IMMP2L: variants seen among roughly 807,000 people sequenced by gnomAD.
IMMP2L encodes mitochondrial inner membrane protease subunit 2.
In IMMP2L, 18 loss-of-function variants were observed where a neutral mutation model predicts 19.3. That is an observed-to-expected ratio of 0.93 (90% CI 0.64 to 1.38). IMMP2L has a LOEUF of 1.38. Ranked by LOEUF, IMMP2L falls within the 40% of genes most tolerant of loss-of-function variation. The pLI is 0.00. For synonymous variants in IMMP2L, 76 were observed against 73.0 expected (o/e 1.04, Z -0.21); for missense variants, 233 against 218.2 (o/e 1.07, Z -0.43).
chr7:111,086,816 T>C (rs1563227223), intron 3 of IMMP2L, among the ~76,000 whole-genome samples: 1 of 152,242 alleles, frequency 6.6e-6, no homozygotes, highest in Admixed American at 6.5e-5. Flanking sequence ...TCTCAAATCA[T>C]GACAGCAATA....
chr7:111,310,054 G>A (rs1394823450), intron 3 of IMMP2L, among the ~76,000 whole-genome samples: 1 of 151,928 alleles, frequency 6.6e-6, no homozygotes, highest in East Asian at 1.9e-4. Context: ...GGCCAACATG[G>A]GGAAATCCCA....
chr7:111,352,192 G>C (rs145026988), intron 3 of IMMP2L, among the ~76,000 whole-genome samples: 1 of 152,038 alleles, frequency 6.6e-6, no homozygotes, highest in African/African-American at 2.4e-5. Flanking sequence ...GAATGGTAAT[G>C]CTTGACAGGA....
chr7:110,980,867 G>A (rs908271820), intron 3 of IMMP2L, among the ~76,000 whole-genome samples: 5 of 152,134 alleles, frequency 3.3e-5, no homozygotes, highest in African/African-American at 1.2e-4. Context: ...CAGCTTCACT[G>A]ATGTTGCTAT....
At chr7:110,730,758 C>A (rs986007775) in intron 5 of IMMP2L, among the ~76,000 whole-genome samples, 10 of 152,270 alleles carry the variant, frequency 6.6e-5, no homozygotes, top group African/African-American at 2.2e-4. Context: ...ATCTCCTGAC[C>A]TCGTGATCCA....
At chr7:110,854,770 G>T (rs1189213101) in intron 5 of IMMP2L, among the ~76,000 whole-genome samples, 1 of 151,838 alleles carries the variant, frequency 6.6e-6, no homozygotes, top group East Asian at 1.9e-4. Flanking sequence ...AAAATAGTTT[G>T]CTTGAGTCTC....
At chr7:110,998,268 A>T (rs991960298) in intron 3 of IMMP2L, among the ~76,000 whole-genome samples, 1 of 152,150 alleles carries the variant, frequency 6.6e-6, no homozygotes, top group Non-Finnish European at 1.5e-5. Flanking sequence ...TAGGGTTATG[A>T]CAGGGTAATC....
chr7:111,118,519 T>C (rs539193136), intron 3 of IMMP2L, among the ~76,000 whole-genome samples: 1 of 152,222 alleles, frequency 6.6e-6, no homozygotes, highest in South Asian at 2.1e-4. Flanking sequence ...ACCATTTATT[T>C]GTTGTGTGGT....
chr7:110,741,162 T>C (rs981907011), intron 5 of IMMP2L, among the ~76,000 whole-genome samples: 2 of 152,160 alleles, frequency 1.3e-5, no homozygotes, highest in Admixed American at 6.5e-5. Context: ...TTAATAAGGA[T>C]TGAAATAATG....
At chr7:110,855,636 T>G (rs561811267) in intron 5 of IMMP2L, among the ~76,000 whole-genome samples, 10 of 152,190 alleles carry the variant, frequency 6.6e-5, no homozygotes, top group African/African-American at 1.9e-4. Context: ...CCTTATACCC[T>G]TAGCCATCTG....
intron 3 of IMMP2L, among the ~76,000 whole-genome samples, chr7:111,446,246 T>G (rs977971740): frequency 1.2e-4 from 18 of 151,884 alleles, no homozygotes; most frequent in African/African-American, 4.4e-4. Context: ...GCTCCACCTC[T>G]GGGGGCAGGG....
At chr7:110,917,887 T>G (rs747075841) in intron 4 of IMMP2L, among the ~76,000 whole-genome samples, 1 of 152,182 alleles carries the variant, frequency 6.6e-6, no homozygotes, top group Non-Finnish European at 1.5e-5. Flanking sequence ...ATGAACAATT[T>G]TGAGAATACT....
rs892542619 is a variant in IMMP2L, at chr7:110,915,155, A to G, written c.306-28460T>C. ...TCTGCTCCCCCGTGTTCGCTGCAGC[A>G]TTATTCATAATAGCCAAGGTACTGA... On this transcript the variant is annotated intron_variant, in intron 4 of 5. Coordinates refer to ENST00000405709, the MANE Select transcript of IMMP2L (RefSeq NM_032549.4). Among the ~76,000 whole-genome samples, 4 of 152,232 alleles carry G rather than the reference A, an allele frequency of 2.6e-5. No homozygotes were observed. In the East Asian group the frequency reaches 7.7e-4, roughly 29 times the overall value.
In IMMP2L at chr7:111,065,986, A is replaced by ATT. The variant is rs57080906; in HGVS notation, c.240-102423_240-102422dup. ...TGTCTGTCTCCCATAGCAGGCTGTA[A>ATT]TTTTTTTTTTTTTTTTTTTTGAGAT... On this transcript the variant is annotated intron_variant, in intron 3 of 5. Coordinates refer to ENST00000405709, the MANE Select transcript of IMMP2L (RefSeq NM_032549.4). Among the ~76,000 whole-genome samples, 9 of 101,392 alleles carry ATT rather than the reference A, an allele frequency of 8.9e-5. No individual in the cohort carries two copies. In the Admixed American group the frequency reaches 9.1e-4, roughly 10 times the overall value. 66.5% of individuals were successfully genotyped at this position (101,392 alleles called of 152,430 possible). A position where few individuals can be genotyped will look rare whatever the true frequency, so the allele number is the denominator to read the frequency against.
At chr7:111,379,894 C>T (rs945522013) in intron 3 of IMMP2L, among the ~76,000 whole-genome samples, 12 of 151,892 alleles carry the variant, frequency 7.9e-5, no homozygotes, top group African/African-American at 2.2e-4. Flanking sequence ...CATACATCCA[C>T]GTAAGTTTAG....
intron 3 of IMMP2L, among the ~76,000 whole-genome samples, chr7:111,381,664 A>G (rs1034121530): frequency 6.6e-6 from 1 of 151,974 alleles, no homozygotes; most frequent in African/African-American, 2.4e-5. Context: ...CAGAATATTA[A>G]GAATGGAGAA....
intron 3 of IMMP2L, among the ~76,000 whole-genome samples, chr7:111,263,328 G>T (rs1817516095): frequency 6.6e-6 from 1 of 151,996 alleles, no homozygotes; most frequent in Non-Finnish European, 1.5e-5. Flanking sequence ...GAACCAAAAG[G>T]ATTTCCCAAC....
At chr7:110,935,556 T>C (rs1368390105) in intron 4 of IMMP2L, among the ~76,000 whole-genome samples, 1 of 152,138 alleles carries the variant, frequency 6.6e-6, no homozygotes, top group African/African-American at 2.4e-5. Context: ...CTTGCTAGGT[T>C]GGGGAAGTTT....
chr7:110,981,328 T>C (rs937718686), intron 3 of IMMP2L, among the ~76,000 whole-genome samples: 2 of 152,108 alleles, frequency 1.3e-5, no homozygotes, highest in African/African-American at 4.8e-5. Flanking sequence ...ATTATTTGTG[T>C]AATTAACAAT....
chr7:111,120,915 T>C (rs1800521377), intron 3 of IMMP2L, among the ~76,000 whole-genome samples: 1 of 151,674 alleles, frequency 6.6e-6, no homozygotes, highest in Non-Finnish European at 1.5e-5. Context: ...TTATTGGCCT[T>C]TTATGTTGCC....
Sources: allele counts gnomAD v4.1 joint callset (sites outside exome capture counted in the v4.1 genomes callset), GRCh38; gene constraint gnomAD v4.1.1; transcripts MANE v1.5; gene names NCBI Gene and HGNC (gene_info 2026-07-23, HGNC 2026-07-21).